The following ICA1 variants were observed in gnomAD, a reference collection of about 807,000 sequenced individuals.
The protein encoded by ICA1 is 69 kDa islet cell autoantigen.
Under a neutral mutation model 71.0 loss-of-function variants are expected in ICA1, and 40 were observed. That is an observed-to-expected ratio of 0.56 (90% CI 0.44 to 0.73). The LOEUF is 0.73. Among genes scored for constraint, ICA1 ranks in the 30% least tolerant of loss-of-function variants. ICA1 has a pLI of 0.00. For synonymous variants in ICA1, 207 were observed against 209.5 expected (o/e 0.99, Z 0.10); for missense variants, 578 against 576.5 (o/e 1.00, Z -0.03).
intron 6 of ICA1, among the ~76,000 whole-genome samples, chr7:8,204,061 T>G (rs1790653608): frequency 7.2e-6 from 1 of 139,268 alleles, no homozygotes; most frequent in African/African-American, 3.1e-5. Flanking sequence ...GAGAGATTGG[T>G]GAGAAGGAAA....
At chr7:8,187,103 T>G (rs905021653) in intron 6 of ICA1, among the ~76,000 whole-genome samples, 1 of 152,212 alleles carries the variant, frequency 6.6e-6, no homozygotes, top group African/African-American at 2.4e-5. Context: ...TGGGGACATG[T>G]TCTCAGAAAC....
chr7:8,121,726 A>G (rs1258541684), intron 13 of ICA1, among the ~76,000 whole-genome samples: 1 of 152,244 alleles, frequency 6.6e-6, no homozygotes, highest in Non-Finnish European at 1.5e-5. Context: ...AATAATTTAC[A>G]GTACATTTAA....
intron 1 of ICA1, among the ~76,000 whole-genome samples, chr7:8,250,706 A>G (rs1233287185): frequency 6.6e-6 from 1 of 152,212 alleles, no homozygotes; most frequent in East Asian, 1.9e-4. Context: ...TATTTCATAA[A>G]TTCACAAGTA....
chr7:8,122,516 G>A (rs1192535638), intron 13 of ICA1, among the ~76,000 whole-genome samples: 1 of 152,262 alleles, frequency 6.6e-6, no homozygotes, highest in Non-Finnish European at 1.5e-5. Flanking sequence ...AGGAAGTGCT[G>A]CACTTTGGCG....
intron 1 of ICA1, among the ~76,000 whole-genome samples, chr7:8,242,250 G>T (rs1484204224): frequency 6.6e-6 from 1 of 152,116 alleles, no homozygotes; most frequent in African/African-American, 2.4e-5. Flanking sequence ...TAGAATTCAG[G>T]ATTAAGAAAC....
intron 4 of ICA1, among the ~76,000 whole-genome samples, chr7:8,224,081 T>C (rs540062695): frequency 6.6e-5 from 10 of 151,930 alleles, no homozygotes; most frequent in Non-Finnish European, 1.2e-4. Context: ...CAGCAGGAGA[T>C]AGAAAATAAA....
chr7:8,182,252 C>G (rs1270776607), intron 6 of ICA1, among the ~76,000 whole-genome samples: 2 of 152,182 alleles, frequency 1.3e-5, no homozygotes, highest in African/African-American at 4.8e-5. Flanking sequence ...CATTCCCTAA[C>G]AAGATCCTTT....
At chr7:8,152,809 CCA>C (rs1799838836) in intron 8 of ICA1, among the ~76,000 whole-genome samples, 1 of 150,840 alleles carries the variant, frequency 6.6e-6, no homozygotes, top group Admixed American at 6.6e-5. Context: ...ACCACCACCA[CCA>C]CCATCTCCTT....
chr7:8,243,683 C>T (rs1332847431), intron 1 of ICA1, among the ~76,000 whole-genome samples: 2 of 152,090 alleles, frequency 1.3e-5, no homozygotes, highest in Admixed American at 6.6e-5. Flanking sequence ...GTCTCAGCCC[C>T]AAATCTCCTT....
At chr7:8,145,764 A>ATATATATG (rs55971486) in intron 8 of ICA1, among the ~76,000 whole-genome samples, 14,279 of 135,940 alleles carry the variant, frequency 0.11, 1,755 homozygotes, top group African/African-American at 0.25. Flanking sequence ...ATATATATAT[A>ATATATATG]TATGTATATA....
At chr7:8,139,992 G>A (rs1322138650) in intron 10 of ICA1, among the ~76,000 whole-genome samples, 3 of 152,044 alleles carry the variant, frequency 2.0e-5, no homozygotes, top group Non-Finnish European at 2.9e-5. Flanking sequence ...CAAGATGATC[G>A]ACATTTACAA....
chr7:8,202,849 G>A (rs1046441421), intron 6 of ICA1, among the ~76,000 whole-genome samples: 2 of 133,570 alleles, frequency 1.5e-5, no homozygotes, highest in Non-Finnish European at 3.2e-5. Flanking sequence ...GGAAGAACCA[G>A]CTATAGGCAA....
chr7:8,249,865 T>C (rs1477624738), intron 1 of ICA1, among the ~76,000 whole-genome samples: 1 of 152,252 alleles, frequency 6.6e-6, no homozygotes, highest in Non-Finnish European at 1.5e-5. Context: ...TCTGAAGTGA[T>C]GCAGGTATTT....
chr7:8,242,789 C>T (rs1264470696), intron 1 of ICA1, among the ~76,000 whole-genome samples: 7 of 152,162 alleles, frequency 4.6e-5, no homozygotes, highest in Admixed American at 1.3e-4. Context: ...ATAAACACCT[C>T]GATGCAAATA....
intron 6 of ICA1, among the ~76,000 whole-genome samples, chr7:8,206,148 G>A (rs781020095): frequency 5.3e-5 from 8 of 152,052 alleles, no homozygotes; most frequent in Non-Finnish European, 1.0e-4. Context: ...TTCCCTTTCC[G>A]GATAAGCATA....
chr7:8,227,605 C>CTTT (rs752042709), intron 4 of ICA1: 1,408 of 311,502 alleles, frequency 4.5e-3, no homozygotes, highest in South Asian at 8.0e-3. Flanking sequence ...AAGTAGTTGT[C>CTTT]TTTTTTTTTT....
intron 9 of ICA1, among the ~76,000 whole-genome samples, chr7:8,143,596 G>A (rs1027510069): frequency 1.3e-5 from 2 of 152,162 alleles, no homozygotes; most frequent in Non-Finnish European, 2.9e-5. Flanking sequence ...AGAGAGCCAG[G>A]GAATGCTGGG....
Position 8,223,908 on chromosome 7 carries a change from C to T in ICA1, c.257-2510G>A, listed in dbSNP as rs1797849628. On this transcript the variant is annotated intron_variant, in intron 4 of 13. Coordinates refer to ENST00000402384, the MANE Select transcript of ICA1 (RefSeq NM_001136020.3). The surrounding 1 kb of genome is among the most constrained non-coding windows in gnomAD (Gnocchi z 4.1). ...AGGTTTTCAGATGTGCCGTTAAAAACAAGGCAACTATGGAACTATGAAATT... is the reference window on the plus strand; with the variant it reads ...AGGTTTTCAGATGTGCCGTTAAAAATAAGGCAACTATGGAACTATGAAATT... Among the ~76,000 whole-genome samples, 1 of 152,130 alleles carries T rather than the reference C, an allele frequency of 6.6e-6. No homozygotes were observed. Among genetic ancestry groups the T allele is most frequent in the African/African-American group, 2.4e-5 (1 of 41,434 alleles).
At chr7:8,142,574 A>T (rs1795595257) in intron 9 of ICA1, among the ~76,000 whole-genome samples, 1 of 151,834 alleles carries the variant, frequency 6.6e-6, no homozygotes. Context: ...TATGGTGAAA[A>T]GAAGGTGCAG....
Sources: allele counts gnomAD v4.1 joint callset (sites outside exome capture counted in the v4.1 genomes callset), GRCh38; gene constraint gnomAD v4.1.1; non-coding constraint Gnocchi (gnomAD v3.1); transcripts MANE v1.5; gene names NCBI Gene and HGNC (gene_info 2026-07-23, HGNC 2026-07-21).